The following DYNC2I1 variants were observed in gnomAD, a reference collection of about 807,000 sequenced individuals.
DYNC2I1 encodes dynein 2 intermediate chain 1, also known as cytoplasmic dynein 2 intermediate chain 1.
Under a neutral mutation model 133.4 loss-of-function variants are expected in DYNC2I1, and 89 were observed. The observed-to-expected ratio is 0.67, with a 90% CI of 0.56 to 0.80. The LOEUF is 0.80. Among genes scored for constraint, DYNC2I1 ranks in the 30% least tolerant of loss-of-function variants. DYNC2I1 has a pLI of 0.00. For missense variants in DYNC2I1, 1,291 were observed against 1,314.5 expected (o/e 0.98, Z 0.28); for synonymous variants, 504 against 484.3 (o/e 1.04, Z -0.54).
At chr7:158,849,103 C>G in the DYNC2I1 span, among the ~76,000 whole-genome samples, 1 of 152,160 alleles carries the variant, frequency 6.6e-6, no homozygotes, top group Non-Finnish European at 1.5e-5. Context: ...GACAAAAGGC[C>G]TGAGTCCCTT....
upstream of DYNC2I1, among the ~76,000 whole-genome samples, chr7:158,852,493 C>A (rs796775212): frequency 6.6e-6 from 1 of 151,854 alleles, no homozygotes; most frequent in South Asian, 2.1e-4. Context: ...GTAATCCTAG[C>A]ACTTTGGGAG....
upstream of DYNC2I1, among the ~76,000 whole-genome samples, chr7:158,852,111 G>A (rs946418445): frequency 6.6e-6 from 1 of 151,708 alleles, no homozygotes; most frequent in African/African-American, 2.4e-5. Flanking sequence ...AGAGCTGGGC[G>A]CCTGAGATTC....
chr7:158,854,137 G>A (rs1841115770), upstream of DYNC2I1, among the ~76,000 whole-genome samples: 1 of 152,146 alleles, frequency 6.6e-6, no homozygotes, highest in African/African-American at 2.4e-5. Context: ...CACAAGACCA[G>A]ATGAGCCAGT....
At chr7:158,951,649 G>A (rs115870213) in intron 4 of DYNC2I1, among the ~76,000 whole-genome samples, 2,198 of 152,336 alleles carry the variant, frequency 0.014, 51 homozygotes, top group African/African-American at 0.05. Context: ...TGAGAGGGCA[G>A]GGAGCGGAGA....
At chr7:158,890,814 T>C (rs1334567988) in intron 7 of DYNC2I1, among the ~76,000 whole-genome samples, 4 of 152,142 alleles carry the variant, frequency 2.6e-5, no homozygotes, top group Admixed American at 1.3e-4. Flanking sequence ...CCTCAGGTGA[T>C]CCGCCCGCCT....
intron 11 of DYNC2I1, among the ~76,000 whole-genome samples, chr7:158,909,618 TTAAAACAACAA>T (rs1847185034): frequency 2.0e-5 from 3 of 152,196 alleles, no homozygotes; most frequent in Admixed American, 1.3e-4. Flanking sequence ...AAAGTTGGAT[TTAAAACAACAA>T]AAACACTCCA....
rs537239686 is a variant in DYNC2I1, at chr7:158,955,650, G to A, written c.*57-933G>A. On this transcript the variant is annotated intron_variant and NMD_transcript_variant, in intron 4 of 4. Transcript: ENST00000454771. ...GAGGTCCTGCCTGCAGGCGTATTTT[G>A]TTTGACCCTCGTGATGTTCTACTAA... Among the ~76,000 whole-genome samples, 22 of 152,314 alleles carry A rather than the reference G, an allele frequency of 1.4e-4. No individual in the cohort carries two copies. The South Asian group carries it at 4.4e-3, about 30-fold the overall frequency.
At chr7:158,901,503 A>G (rs1196325150) in intron 8 of DYNC2I1, among the ~76,000 whole-genome samples, 2 of 152,194 alleles carry the variant, frequency 1.3e-5, no homozygotes, top group African/African-American at 4.8e-5. Context: ...TAGCCACCAG[A>G]ATTATAGAGG....
At chr7:158,952,865 C>T (rs574482748) in intron 4 of DYNC2I1, among the ~76,000 whole-genome samples, 12 of 152,310 alleles carry the variant, frequency 7.9e-5, no homozygotes, top group South Asian at 2.1e-4. Context: ...CAGGACCCAC[C>T]GCACCTTCCA....
intron 11 of DYNC2I1, among the ~76,000 whole-genome samples, chr7:158,911,082 C>T (rs1027214347): frequency 5.9e-5 from 9 of 152,182 alleles, no homozygotes; most frequent in African/African-American, 2.2e-4. Context: ...CAGGTCAAGT[C>T]CTGGGGGAAG....
downstream of DYNC2I1, among the ~76,000 whole-genome samples, chr7:158,951,128 CTG>C (rs777939047): frequency 3.3e-5 from 5 of 152,236 alleles, no homozygotes; most frequent in Non-Finnish European, 7.3e-5. Context: ...TGAGTCATAT[CTG>C]TGTCTTGTTC....
At chr7:158,923,856 A>C in intron 17 of DYNC2I1, 123 bp downstream of exon 17, 1 of 1,287,550 alleles carries the variant, frequency 7.8e-7, no homozygotes, top group Non-Finnish European at 1.0e-6. Flanking sequence ...GGTCTGACCC[A>C]TGGGCAAAAG....
At chr7:158,929,333 C>G (rs1410461912) in intron 20 of DYNC2I1, among the ~76,000 whole-genome samples, 4 of 152,236 alleles carry the variant, frequency 2.6e-5, no homozygotes, top group Non-Finnish European at 5.9e-5. Flanking sequence ...AAGACCCCAG[C>G]CCGGGAGAGG....
At chr7:158,898,533 A>G (rs1453307673) in intron 8 of DYNC2I1, among the ~76,000 whole-genome samples, 1 of 152,220 alleles carries the variant, frequency 6.6e-6, no homozygotes, top group Non-Finnish European at 1.5e-5. Context: ...GTGCTGCGTC[A>G]GAAATTAATA....
the DYNC2I1 span, among the ~76,000 whole-genome samples, chr7:158,841,200 TA>T: frequency 1.7e-3 from 85 of 49,356 alleles, 3 homozygotes; most frequent in East Asian, 0.015. Context: ...TATATATATA[TA>T]TATATATATA....
intron 2 of DYNC2I1, among the ~76,000 whole-genome samples, chr7:158,870,152 G>A (rs1402187161): frequency 6.6e-6 from 1 of 152,174 alleles, no homozygotes; most frequent in Non-Finnish European, 1.5e-5. Flanking sequence ...CTGCTTTAGG[G>A]CAGGGAGTGC....
At position 158,910,543 on chromosome 7, in the gene DYNC2I1, C is replaced by T. The variant is rs181244073; in HGVS notation, c.1461-1007C>T. 4.5e-3 allele frequency among the ~76,000 whole-genome samples: 600 copies of T among 132,372 alleles called. 3 individuals are homozygous for T. Among genetic ancestry groups the T allele is most frequent in the Non-Finnish European group, 6.8e-3 (432 of 63,428 alleles). The allele number at this position is 132,372 out of a possible 152,430, so 86.8% of individuals were successfully genotyped here. A position where few individuals can be genotyped will look rare whatever the true frequency, so the allele number is the denominator to read the frequency against. On this transcript the variant is annotated intron_variant, in intron 11 of 24. Coordinates refer to ENST00000407559, the MANE Select transcript of DYNC2I1 (RefSeq NM_018051.5). ...CTGTGTCAGGCTTGTGGGCGGAGCA[C>T]GATTGGCTGTGTCAGGCCTGTGGGC... is the stretch of plus-strand genomic sequence containing the variant.
rs546071285 is a variant in DYNC2I1, at chr7:158,953,431, A to G, written c.*57-3152A>G. Among the ~76,000 whole-genome samples the G allele has an allele frequency of 1.2e-4, 18 of 152,378 alleles. No individual in the cohort carries two copies. In the East Asian group the frequency reaches 2.9e-3, roughly 24 times the overall value. On this transcript the variant is annotated intron_variant and NMD_transcript_variant, in intron 4 of 4. Coordinates refer to the DYNC2I1 transcript ENST00000454771. Reference sequence around the variant, plus strand: ...AAATATGATGGTATTATTTAAAACTATAAAGTGAGATCATAGTACAAGGTT... The same window carrying G: ...AAATATGATGGTATTATTTAAAACTGTAAAGTGAGATCATAGTACAAGGTT...
chr7:158,951,870 G>A (rs1852062173), intron 4 of DYNC2I1, among the ~76,000 whole-genome samples: 1 of 152,206 alleles, frequency 6.6e-6, no homozygotes, highest in Non-Finnish European at 1.5e-5. Context: ...GTGCCTCGGG[G>A]GACGTGAGGG....
Sources: allele counts gnomAD v4.1 joint callset (sites outside exome capture counted in the v4.1 genomes callset), GRCh38; gene constraint gnomAD v4.1.1; transcripts MANE v1.5; gene names NCBI Gene and HGNC (gene_info 2026-07-23, HGNC 2026-07-21).